The following IFT81 variants were observed in gnomAD, a reference collection of about 807,000 sequenced individuals.
IFT81 encodes the protein intraflagellar transport protein 81 homolog.
A neutral mutation model predicts 102.6 loss-of-function variants in IFT81; 72 were observed. The observed-to-expected ratio is 0.70, with a 90% CI of 0.58 to 0.85. The LOEUF (loss-of-function observed/expected upper bound fraction) is 0.85. Ranked by LOEUF, IFT81 falls within the 40% of genes least tolerant of loss-of-function variation. IFT81 has a pLI of 0.00. For missense variants in IFT81, 723 were observed against 787.3 expected, an observed-to-expected ratio of 0.92 and a Z score of 0.98; for synonymous variants, 237 against 242.7, an observed-to-expected ratio of 0.98 and a Z score of 0.22.
chr12:110,150,924 CTCT>C (rs1169305770), intron 10 of IFT81, among the ~76,000 whole-genome samples: 3 of 151,760 alleles, frequency 2.0e-5, no homozygotes, highest in South Asian at 2.1e-4. Context: ...ATTAAACACA[CTCT>C]TCTTCTCCTT....
intron 10 of IFT81, among the ~76,000 whole-genome samples, chr12:110,162,674 A>G (rs1204901678): frequency 4.0e-5 from 6 of 151,840 alleles, no homozygotes; most frequent in Non-Finnish European, 8.8e-5. Context: ...TTCTCTGCTG[A>G]TATGTCTTAC....
At chr12:110,157,301 A>G (rs549413737) in intron 10 of IFT81, among the ~76,000 whole-genome samples, 1 of 152,214 alleles carries the variant, frequency 6.6e-6, no homozygotes, top group South Asian at 2.1e-4. Context: ...GTGAGCCAAG[A>G]TCATGCCATT....
chr12:110,158,843 C>T lies in IFT81; in HGVS notation c.1042-4076C>T, dbSNP rs541242720. ...GACCTCGTGATCCACCCGCCTCAGC[C>T]TCCCAAAGTGCTGGGATTACAGGCG... On this transcript the variant is annotated intron_variant, in intron 10 of 18. Transcript: ENST00000242591. 1.4e-3 allele frequency among the ~76,000 whole-genome samples: 218 copies of T among 152,134 alleles called. 1 individual carries two copies. Among genetic ancestry groups the T allele is most frequent in the Non-Finnish European group, 2.5e-3 (173 of 67,982 alleles).
At chr12:110,125,429 C>T (rs987666227) in intron 1 of IFT81, among the ~76,000 whole-genome samples, 15 of 152,340 alleles carry the variant, frequency 9.8e-5, no homozygotes, top group African/African-American at 3.4e-4. Context: ...GAGTCTCTCT[C>T]TGTCCCCCAG....
chr12:110,193,135 C>T (rs1897867103), intron 14 of IFT81, among the ~76,000 whole-genome samples: 1 of 152,146 alleles, frequency 6.6e-6, no homozygotes, highest in African/African-American at 2.4e-5. Flanking sequence ...TGTACTCCAG[C>T]TTGGGTGACA....
At chr12:110,139,569 G>A (rs1285988976) in intron 8 of IFT81, among the ~76,000 whole-genome samples, 1 of 151,162 alleles carries the variant, frequency 6.6e-6, no homozygotes, top group Non-Finnish European at 1.5e-5. Context: ...TCAGGAGAGC[G>A]AGACCATCCT....
chr12:110,176,422 T>G (rs1329542690), intron 11 of IFT81, among the ~76,000 whole-genome samples: 1 of 152,324 alleles, frequency 6.6e-6, no homozygotes, highest in East Asian at 1.9e-4. Context: ...TTTACTCTTA[T>G]TCTCATCTGA....
chr12:110,205,546 G>GT (rs942003548), intron 16 of IFT81, 32 bp downstream of exon 16: 13 of 1,585,696 alleles, frequency 8.2e-6, no homozygotes, highest in Non-Finnish European at 9.4e-6. Flanking sequence ...ACATTTCTGA[G>GT]TTTTTTCTAT....
chr12:110,218,721 A>T lies in IFT81; in HGVS notation c.*495A>T, dbSNP rs886104918. 6.6e-6 allele frequency: 1 copy of T among 152,386 alleles called. No individual in the cohort carries two copies. The highest frequency in any genetic ancestry group is 6.5e-5 in the Admixed American group (1 of 15,296). 9.4% of individuals were successfully genotyped at this position (152,386 alleles called of 1,614,324 possible). On this transcript the variant is annotated 3_prime_UTR_variant, in exon 19 of 19. Coordinates refer to ENST00000242591, the MANE Select transcript of IFT81 (RefSeq NM_014055.4). The stretch of plus-strand genomic sequence containing the variant: ...TGCAAGAAAATTTAATATTTTGACT[A>T]ACATGTCTTTTCTGTTTGTATCATT...
At chr12:110,197,154 C>T (rs1299814364) in intron 14 of IFT81, among the ~76,000 whole-genome samples, 1 of 152,030 alleles carries the variant, frequency 6.6e-6, no homozygotes, top group South Asian at 2.1e-4. Context: ...GACCTGATAG[C>T]ACCACTGCAT....
chr12:110,189,736 A>G (rs1897704211), intron 12 of IFT81, among the ~76,000 whole-genome samples: 1 of 152,140 alleles, frequency 6.6e-6, no homozygotes, highest in Admixed American at 6.5e-5. Flanking sequence ...CCAAAAATAA[A>G]CTTCTGATCT....
At chr12:110,148,213 A>G (rs1895331147) in intron 10 of IFT81, among the ~76,000 whole-genome samples, 2 of 151,932 alleles carry the variant, frequency 1.3e-5, no homozygotes, top group South Asian at 4.2e-4. Context: ...TGTTTTACTG[A>G]TTGCAACCCT....
intron 8 of IFT81, among the ~76,000 whole-genome samples, chr12:110,138,621 C>T (rs970745981): frequency 5.9e-5 from 9 of 152,036 alleles, no homozygotes; most frequent in Non-Finnish European, 1.0e-4. Flanking sequence ...TTAGTAGAGA[C>T]GGGGTTTCTC....
In IFT81 at chr12:110,169,159, C is replaced by G. The variant is rs1896616207; in HGVS notation, c.1188+6094C>G. On this transcript the variant is annotated intron_variant, in intron 11 of 18. Transcript: ENST00000242591. ...GCAGAATGTGCCTAGATGATCAGCT[C>G]CTAGTAAAAACCTTGAGAACTAAGT... The G allele has an allele frequency of 2.6e-5, 4 of 151,436 alleles. No individual in the cohort carries two copies. The South Asian group carries it at 8.4e-4, about 32-fold the overall frequency. 9.4% of individuals were successfully genotyped at this position (151,436 alleles called of 1,614,324 possible). A position where few individuals can be genotyped will look rare whatever the true frequency, so the allele number is the denominator to read the frequency against.
intron 8 of IFT81, 111 bp from the exon 9 acceptor site, chr12:110,143,271 A>C (rs1176245345): frequency 3.6e-6 from 2 of 558,314 alleles, no homozygotes; most frequent in Non-Finnish European, 5.3e-6. Flanking sequence ...TATATTATAC[A>C]GTTTGTTTTC....
chr12:110,206,541 G>C (rs975624516), intron 17 of IFT81, among the ~76,000 whole-genome samples: 17 of 152,128 alleles, frequency 1.1e-4, no homozygotes, highest in Admixed American at 1.1e-3. Flanking sequence ...CGGGCATGGT[G>C]GTGGGCGCCC....
Position 110,173,356 on chromosome 12 carries a change from C to T in IFT81, c.1189-7066C>T, listed in dbSNP as rs1466398834. 4.7e-5 allele frequency among the ~76,000 whole-genome samples: 7 copies of T among 148,902 alleles called. No individual in the cohort carries two copies. The East Asian group carries it at 6.1e-4, about 13-fold the overall frequency. On this transcript the variant is annotated intron_variant, in intron 11 of 18. Transcript: ENST00000242591. ...GAGGGAGGTGGGGGGGTCAGCCCCC[C>T]GCCCGGCCAGCCGCCTCGTCCGGGA...
chr12:110,195,742 G>A (rs1317395723), intron 14 of IFT81, among the ~76,000 whole-genome samples: 2 of 152,142 alleles, frequency 1.3e-5, no homozygotes, highest in Non-Finnish European at 2.9e-5. Flanking sequence ...CCTGGAACTT[G>A]TCCTCTAGTT....
At chr12:110,127,256 A>T (rs1893900597) in intron 1 of IFT81, 104 bp from the exon 2 acceptor site, 1 of 1,101,290 alleles carries the variant, frequency 9.1e-7, no homozygotes, top group South Asian at 2.2e-5. Context: ...ATGCCATGTA[A>T]AATTATACTT....
Sources: gnomAD v4.1 joint callset for allele counts (sites outside exome capture counted in the v4.1 genomes callset) on GRCh38, gnomAD v4.1.1 for gene constraint, MANE v1.5 for transcripts, NCBI Gene and HGNC (gene_info 2026-07-23, HGNC 2026-07-21) for gene names.